STK10: variants seen among roughly 807,000 people sequenced by gnomAD.
The protein encoded by STK10 is serine/threonine-protein kinase 10.
STK10 carries 78 observed loss-of-function variants against 113.8 expected under a neutral mutation model. The ratio of observed to expected loss-of-function variants is 0.69; its 90% confidence interval spans 0.57 to 0.83. The LOEUF (loss-of-function observed/expected upper bound fraction) is 0.83, where lower values mean the gene tolerates loss of function less well. STK10 is among the 40% of genes least tolerant of loss of function. The pLI, the probability that STK10 is intolerant of heterozygous loss-of-function variation, is 0.00. For missense variants in STK10, 1,109 were observed against 1,280.1 expected (o/e 0.87, Z 2.04); for synonymous variants, 465 against 494.7 (o/e 0.94, Z 0.80).
At chr5:172,054,400 C>T (rs573353639) in intron 17 of STK10, among the ~76,000 whole-genome samples, 169 bp downstream of exon 17, 14 of 152,230 alleles carry the variant, frequency 9.2e-5, no homozygotes, top group Non-Finnish European at 1.6e-4. Flanking sequence ...TATGATTTGC[C>T]CAACCTCACA....
chr5:172,057,498 G>C (rs760440410), intron 14 of STK10, 25 bp from the exon 15 acceptor site: 52 of 1,539,656 alleles, frequency 3.4e-5, no homozygotes, highest in Middle Eastern at 2.3e-4. Flanking sequence ...CCACCGAGCT[G>C]GTGAGGTGCT....
At chr5:172,165,190 T>C (rs1292481739) in intron 1 of STK10, among the ~76,000 whole-genome samples, 1 of 151,100 alleles carries the variant, frequency 6.6e-6, no homozygotes, top group Non-Finnish European at 1.5e-5. Context: ...TGCCCACTGA[T>C]CAGTGTGTTG....
At chr5:172,047,160 C>G (rs1227282176) in intron 18 of STK10, among the ~76,000 whole-genome samples, 1 of 152,192 alleles carries the variant, frequency 6.6e-6, no homozygotes, top group East Asian at 1.9e-4. Context: ...GAATGAAAAT[C>G]ATCACCTCCG....
chr5:172,161,402 G>A (rs1489265136), intron 1 of STK10, among the ~76,000 whole-genome samples: 7 of 150,684 alleles, frequency 4.6e-5, no homozygotes, highest in Non-Finnish European at 8.9e-5. Context: ...GCAGTGAGCC[G>A]AGATCACACC....
intron 9 of STK10, chr5:172,092,658 G>C (rs1394157617): frequency 6.6e-6 from 1 of 152,188 alleles, no homozygotes; most frequent in Non-Finnish European, 1.5e-5. Context: ...ATTTGGGAAG[G>C]AAAAACAAAA....
At chr5:172,091,055 G>C (rs567424253) in intron 9 of STK10, among the ~76,000 whole-genome samples, 3 of 150,546 alleles carry the variant, frequency 2.0e-5, no homozygotes, top group South Asian at 4.2e-4. Flanking sequence ...TTCCTCACCT[G>C]TTCAGGGAGG....
Position 172,120,664 on chromosome 5 carries a change from A to G in STK10, c.371-3034T>C, listed in dbSNP as rs1465437225. Among the ~76,000 whole-genome samples, 2 of 152,198 alleles carry G rather than the reference A, an allele frequency of 1.3e-5. No homozygotes were observed. Among genetic ancestry groups the G allele is most frequent in the Admixed American group, 1.3e-4 (2 of 15,280 alleles). The stretch of plus-strand genomic sequence containing the variant: ...TGGGATGATTATAATCGACATAGGC[A>G]GGGCTCCAGCCATCAGCCATGTTCA... On this transcript the variant is annotated intron_variant, in intron 3 of 18. Coordinates refer to ENST00000176763, the MANE Select transcript of STK10 (RefSeq NM_005990.4). This position sits in a 1 kb window ranked among gnomAD's most constrained non-coding sequence, Gnocchi z 4.0.
intron 9 of STK10, among the ~76,000 whole-genome samples, 158 bp from the exon 10 acceptor site, chr5:172,090,520 G>C (rs999890438): frequency 3.3e-5 from 5 of 152,116 alleles, no homozygotes; most frequent in African/African-American, 1.2e-4. Flanking sequence ...ACTTAACCTA[G>C]GAGCTGGGGG....
intron 1 of STK10, among the ~76,000 whole-genome samples, chr5:172,158,364 C>T (rs1312837780): frequency 1.3e-5 from 2 of 152,046 alleles, no homozygotes; most frequent in Non-Finnish European, 2.9e-5. Flanking sequence ...TCCAAGTGTC[C>T]ATCAATAGAT....
At chr5:172,141,992 T>C (rs1561823102) in intron 2 of STK10, among the ~76,000 whole-genome samples, 1 of 152,198 alleles carries the variant, frequency 6.6e-6, no homozygotes, top group Non-Finnish European at 1.5e-5. Flanking sequence ...GCACCTGCCC[T>C]GTACCAGGCA....
chr5:172,086,057 C>T (rs564925576), intron 10 of STK10, among the ~76,000 whole-genome samples: 11 of 152,310 alleles, frequency 7.2e-5, no homozygotes, highest in South Asian at 4.1e-4. Context: ...GCTGGGTGCC[C>T]GCTCGGGGAG....
chr5:172,187,756 G>T lies in STK10; in HGVS notation c.156+131C>A. 2.2e-6 allele frequency: 3 copies of T among 1,359,204 alleles called. No individual in the cohort carries two copies. Among genetic ancestry groups the T allele is most frequent in the Non-Finnish European group, 3.0e-6 (3 of 1,005,962 alleles). 84.2% of individuals were successfully genotyped at this position (1,359,204 alleles called of 1,614,324 possible). On this transcript the variant is annotated intron_variant, in intron 1 of 18. Coordinates refer to ENST00000176763, the MANE Select transcript of STK10 (RefSeq NM_005990.4). The surrounding 1 kb of genome is among the most constrained non-coding windows in gnomAD (Gnocchi z 4.6). ...CAAAAAACAAGAGTCATCGGGATGA[G>T]GGCCAGGGACCCCGAATTCAGCGCC... is the stretch of plus-strand genomic sequence containing the variant.
In STK10 at chr5:172,133,041, C is replaced by T. The variant is rs1197683127; in HGVS notation, c.322-5620G>A. ...GGGTAAAGGCACTCCTGGCAGAACA[C>T]AGAAGCAGAGGTGGGGCAGCAGGGA... is the stretch of plus-strand genomic sequence containing the variant. On this transcript the variant is annotated intron_variant, in intron 2 of 18. Coordinates refer to ENST00000176763, the MANE Select transcript of STK10 (RefSeq NM_005990.4). The surrounding 1 kb of genome is among the most constrained non-coding windows in gnomAD (Gnocchi z 4.9). Among the ~76,000 whole-genome samples the T allele has an allele frequency of 6.6e-6, 1 of 152,186 alleles. No individual in the cohort carries two copies. Among genetic ancestry groups the T allele is most frequent in the East Asian group, 1.9e-4 (1 of 5,194 alleles).
chr5:172,147,505 C>G (rs918100918), intron 2 of STK10, among the ~76,000 whole-genome samples: 1 of 152,114 alleles, frequency 6.6e-6, no homozygotes, highest in Non-Finnish European at 1.5e-5. Flanking sequence ...CATTCTCCTG[C>G]CTCAGCCTCC....
In STK10 at chr5:172,103,700, A is replaced by AC. The variant is rs530732389; in HGVS notation, c.870+1955dup. 1.2e-4 allele frequency among the ~76,000 whole-genome samples: 18 copies of AC among 150,174 alleles called. No homozygotes were observed. The South Asian group carries it at 1.7e-3, about 14-fold the overall frequency. ...TAGAAATGTAAAAGGAACAACTGTG[A>AC]CCCCCCACCCCCGGCAGTAGATAGA... is the stretch of plus-strand genomic sequence containing the variant. On this transcript the variant is annotated intron_variant, in intron 7 of 18. Transcript: ENST00000176763.
chr5:172,123,960 C>T (rs1369782288), intron 3 of STK10, among the ~76,000 whole-genome samples: 1 of 152,150 alleles, frequency 6.6e-6, no homozygotes, highest in Non-Finnish European at 1.5e-5. Context: ...CAGGGTCTCA[C>T]TCTGTCACCT....
intron 15 of STK10, 135 bp from the exon 16 acceptor site, chr5:172,055,911 G>T: frequency 1.5e-6 from 1 of 649,632 alleles, no homozygotes; most frequent in Non-Finnish European, 2.2e-6. Flanking sequence ...GATCAAGGCT[G>T]GTGTTATTTT....
intron 1 of STK10, among the ~76,000 whole-genome samples, chr5:172,157,072 A>G (rs181630811): frequency 2.0e-5 from 3 of 152,130 alleles, no homozygotes; most frequent in Admixed American, 6.5e-5. Flanking sequence ...AAAAACGAAG[A>G]AAAAAACCCA....
intron 12 of STK10, among the ~76,000 whole-genome samples, chr5:172,070,255 AT>A (rs1368248986): frequency 6.8e-4 from 100 of 147,102 alleles, no homozygotes; most frequent in East Asian, 3.2e-3. Flanking sequence ...CCTCAAAAAA[AT>A]ATATATCTAT....
Sources: gnomAD v4.1 joint callset for allele counts (sites outside exome capture counted in the v4.1 genomes callset) on GRCh38, gnomAD v4.1.1 for gene constraint, Gnocchi (gnomAD v3.1) non-coding constraint, MANE v1.5 for transcripts, NCBI Gene and HGNC (gene_info 2026-07-23, HGNC 2026-07-21) for gene names.